The following WWOX variants were observed in gnomAD, a reference collection of about 807,000 sequenced individuals.
WWOX encodes WW domain containing oxidoreductase.
Under a neutral mutation model 46.2 loss-of-function variants are expected in WWOX, and 69 were observed. That is an observed-to-expected ratio of 1.49 (90% CI 1.23 to 1.82). The LOEUF (loss-of-function observed/expected upper bound fraction) is 1.82. Among genes scored for constraint, WWOX ranks in the 40% most tolerant of loss-of-function variants. WWOX has a pLI of 0.00. For synonymous variants in WWOX, 359 were observed against 202.6 expected (o/e 1.77, Z -6.56); for missense variants, 919 against 542.6 (o/e 1.69, Z -6.89).
chr16:78,251,160 C>A (rs1309116439), intron 5 of WWOX, among the ~76,000 whole-genome samples: 1 of 152,212 alleles, frequency 6.6e-6, no homozygotes, highest in Non-Finnish European at 1.5e-5. Flanking sequence ...TTGCCTAGTT[C>A]TGGCTCTTCC....
At chr16:78,950,550 A>ACG (rs1212023089) in intron 8 of WWOX, among the ~76,000 whole-genome samples, 1 of 151,676 alleles carries the variant, frequency 6.6e-6, no homozygotes, top group Non-Finnish European at 1.5e-5. Context: ...ACACACACAC[A>ACG]CACACACACA....
At chr16:79,210,337 T>C (rs899817948) in intron 8 of WWOX, among the ~76,000 whole-genome samples, 1 of 152,130 alleles carries the variant, frequency 6.6e-6, no homozygotes, top group Non-Finnish European at 1.5e-5. Context: ...GACCTGACTC[T>C]CCCAGGGATC....
At chr16:78,230,669 T>C (rs988740103) in intron 5 of WWOX, among the ~76,000 whole-genome samples, 1 of 152,196 alleles carries the variant, frequency 6.6e-6, no homozygotes, top group South Asian at 2.1e-4. Context: ...AAAGTTGTTT[T>C]CTCCTGCTAG....
intron 5 of WWOX, among the ~76,000 whole-genome samples, chr16:78,358,393 T>C (rs754768558): frequency 2.8e-4 from 42 of 152,188 alleles, no homozygotes; most frequent in Non-Finnish European, 2.1e-4. Context: ...TGCAGTGGCT[T>C]ACACCTGTAA....
At chr16:78,494,509 A>G (rs1395418730) in intron 8 of WWOX, among the ~76,000 whole-genome samples, 1 of 152,220 alleles carries the variant, frequency 6.6e-6, no homozygotes, top group African/African-American at 2.4e-5. Context: ...AAAAGGAAAT[A>G]AAAACGGCAA....
At chr16:78,744,905 C>G (rs942635856) in intron 8 of WWOX, among the ~76,000 whole-genome samples, 2 of 152,166 alleles carry the variant, frequency 1.3e-5, no homozygotes, top group African/African-American at 4.8e-5. Context: ...CAAGCTTCAA[C>G]GTTTTCTGTT....
chr16:78,631,653 C>G (rs1311951893), intron 8 of WWOX, among the ~76,000 whole-genome samples: 1 of 151,394 alleles, frequency 6.6e-6, no homozygotes, highest in Non-Finnish European at 1.5e-5. Context: ...ATATTCTTGC[C>G]TCAGCCCTCC....
intron 8 of WWOX, among the ~76,000 whole-genome samples, chr16:78,611,696 T>C (rs1275041419): frequency 1.3e-5 from 2 of 152,266 alleles, no homozygotes; most frequent in Non-Finnish European, 2.9e-5. Context: ...CAAATATCAG[T>C]GCTTTCAGCA....
chr16:78,122,163 T>G lies in WWOX; in HGVS notation c.409+7009T>G, dbSNP rs139840659. On this transcript the variant is annotated intron_variant, in intron 4 of 8. Transcript: ENST00000566780. ...TTTATCCTAGGTATGTATGTATAGG[T>G]GAAAGCATAGAATACATAGGGTTTG... Among the ~76,000 whole-genome samples, 155 of 152,278 alleles carry G rather than the reference T, an allele frequency of 1.0e-3. 3 individuals are homozygous for G. In the East Asian group the frequency reaches 0.028, roughly 27 times the overall value.
intron 8 of WWOX, among the ~76,000 whole-genome samples, chr16:78,893,357 C>T (rs1251018005): frequency 6.6e-6 from 1 of 152,116 alleles, no homozygotes; most frequent in Admixed American, 6.6e-5. Context: ...TGGTTTGAAT[C>T]CAAGAGGCTG....
chr16:79,105,587 GAAAC>G (rs2049291745), intron 8 of WWOX, among the ~76,000 whole-genome samples: 1 of 151,770 alleles, frequency 6.6e-6, no homozygotes, highest in Non-Finnish European at 1.5e-5. Flanking sequence ...AAAAGTCACA[GAAAC>G]AATTATATTG....
chr16:78,735,312 T>C (rs1192319427), intron 8 of WWOX, among the ~76,000 whole-genome samples: 2 of 148,762 alleles, frequency 1.3e-5, no homozygotes, highest in Admixed American at 1.3e-4. Context: ...CTTTTTCTTA[T>C]TTTATCTATC....
At chr16:78,999,949 C>T (rs776300024) in intron 8 of WWOX, among the ~76,000 whole-genome samples, 35 of 152,060 alleles carry the variant, frequency 2.3e-4, no homozygotes, top group Non-Finnish European at 4.0e-4. Context: ...ATATTTTCAC[C>T]GGGAGCATTT....
intron 8 of WWOX, among the ~76,000 whole-genome samples, chr16:78,507,791 C>T (rs2085250295): frequency 6.6e-6 from 1 of 152,084 alleles, no homozygotes. Context: ...CAGCATCCTG[C>T]CTTGATTAAT....
chr16:79,172,356 G>T (rs2050716030), intron 8 of WWOX, among the ~76,000 whole-genome samples: 1 of 152,196 alleles, frequency 6.6e-6, no homozygotes. Context: ...AAAGATCCAT[G>T]ATTTCAGAGC....
intron 8 of WWOX, among the ~76,000 whole-genome samples, chr16:78,468,915 C>T (rs1264299320): frequency 6.6e-6 from 1 of 152,208 alleles, no homozygotes; most frequent in Non-Finnish European, 1.5e-5. Flanking sequence ...CTGTAACCCC[C>T]TCTACCCCAA....
At position 78,283,075 on chromosome 16, in the gene WWOX, C is replaced by A. The variant is rs1324058933; in HGVS notation, c.517-103785C>A. Among the ~76,000 whole-genome samples, 3 of 151,828 alleles carry A rather than the reference C, an allele frequency of 2.0e-5. No homozygotes were observed. The East Asian group carries it at 5.8e-4, about 29-fold the overall frequency. On this transcript the variant is annotated intron_variant, in intron 5 of 8. Coordinates refer to ENST00000566780, the MANE Select transcript of WWOX (RefSeq NM_016373.4). Reference sequence around the variant, plus strand: ...CAGTGTCTGCTGGGGAAGAGGGCGGCGTGGACATAGCCTCTCAAGTGGGGC... The same window carrying A: ...CAGTGTCTGCTGGGGAAGAGGGCGGAGTGGACATAGCCTCTCAAGTGGGGC...
intron 8 of WWOX, among the ~76,000 whole-genome samples, chr16:79,102,987 C>T (rs561225658): frequency 2.7e-4 from 41 of 152,240 alleles, no homozygotes; most frequent in Admixed American, 5.9e-4. Context: ...TCCTCCTCCT[C>T]TTCTCCTTTC....
chr16:78,928,435 C>G (rs1177993423), intron 8 of WWOX, among the ~76,000 whole-genome samples: 4 of 152,082 alleles, frequency 2.6e-5, no homozygotes, highest in African/African-American at 4.8e-5. Flanking sequence ...ATCTCCTGAC[C>G]TCGTGATCTG....
Sources: allele counts gnomAD v4.1 joint callset (sites outside exome capture counted in the v4.1 genomes callset), GRCh38; gene constraint gnomAD v4.1.1; transcripts MANE v1.5; gene names NCBI Gene and HGNC (gene_info 2026-07-23, HGNC 2026-07-21).